The following SLC24A3 variants were observed in gnomAD, a reference collection of about 807,000 sequenced individuals.
SLC24A3 encodes the protein sodium/potassium/calcium exchanger 3.
Under a neutral mutation model 75.8 loss-of-function variants are expected in SLC24A3, and 28 were observed. The observed-to-expected ratio is 0.37, with a 90% CI of 0.27 to 0.51. The LOEUF is 0.51. SLC24A3 is among the 20% of genes least tolerant of loss of function. The pLI is 0.94. For missense variants in SLC24A3, 663 were observed against 847.8 expected (o/e 0.78, Z 2.71); for synonymous variants, 372 against 334.1 (o/e 1.11, Z -1.24).
chr20:19,474,477 G>A (rs560072440), intron 2 of SLC24A3, among the ~76,000 whole-genome samples: 1 of 152,342 alleles, frequency 6.6e-6, no homozygotes, highest in South Asian at 2.1e-4. Context: ...CTCATGGGCA[G>A]TTAGGGGTTT....
chr20:19,510,359 C>CCTT (rs1431120232), intron 2 of SLC24A3, among the ~76,000 whole-genome samples: 2 of 152,174 alleles, frequency 1.3e-5, no homozygotes, highest in African/African-American at 2.4e-5. Context: ...AGAGGGACTC[C>CCTT]CTTCTGCCAC....
chr20:19,391,608 CTA>C (rs1986368502), intron 2 of SLC24A3, among the ~76,000 whole-genome samples: 1 of 152,138 alleles, frequency 6.6e-6, no homozygotes, highest in Non-Finnish European at 1.5e-5. Flanking sequence ...GCAGTGTATG[CTA>C]TAACTAGCCT....
intron 6 of SLC24A3, among the ~76,000 whole-genome samples, chr20:19,648,096 T>G (rs111304671): frequency 6.6e-6 from 1 of 152,164 alleles, no homozygotes; most frequent in African/African-American, 2.4e-5. Flanking sequence ...TCAGTGATTT[T>G]TCCCGGCATA....
At chr20:19,367,585 T>A (rs1011377968) in intron 2 of SLC24A3, among the ~76,000 whole-genome samples, 18 of 152,080 alleles carry the variant, frequency 1.2e-4, no homozygotes, top group Admixed American at 6.5e-5. Flanking sequence ...GTCACAGTTG[T>A]CTAATTAGAT....
At chr20:19,611,429 C>G (rs1348930734) in intron 6 of SLC24A3, among the ~76,000 whole-genome samples, 1 of 152,174 alleles carries the variant, frequency 6.6e-6, no homozygotes, top group Admixed American at 6.5e-5. Flanking sequence ...TTGATCCCCA[C>G]TTAGGACTCT....
chr20:19,431,235 A>G (rs753681699), intron 2 of SLC24A3, among the ~76,000 whole-genome samples: 3 of 152,012 alleles, frequency 2.0e-5, no homozygotes, highest in Admixed American at 6.5e-5. Flanking sequence ...AACAGATGCC[A>G]AGACAGAATG....
In SLC24A3 at chr20:19,612,375, G is replaced by A. The variant is rs377026693; in HGVS notation, c.612+26831G>A. Among the ~76,000 whole-genome samples, 8 of 152,172 alleles carry A rather than the reference G, an allele frequency of 5.3e-5. No individual in the cohort carries two copies. In the East Asian group the frequency reaches 5.8e-4, roughly 11 times the overall value. ...CCACAGGGCGAATATGGTTGACAGTGATTTAGTGTATACTTTCAAGAAGCT... is the reference window on the plus strand; with the variant it reads ...CCACAGGGCGAATATGGTTGACAGTAATTTAGTGTATACTTTCAAGAAGCT... On this transcript the variant is annotated intron_variant, in intron 6 of 16. Coordinates refer to ENST00000328041, the MANE Select transcript of SLC24A3 (RefSeq NM_020689.4).
chr20:19,695,898 G>A (rs1383147621), intron 13 of SLC24A3, among the ~76,000 whole-genome samples: 1 of 152,048 alleles, frequency 6.6e-6, no homozygotes, highest in Non-Finnish European at 1.5e-5. Context: ...TTAAGATGAT[G>A]GTCCCCAGAA....
intron 2 of SLC24A3, among the ~76,000 whole-genome samples, chr20:19,396,822 A>G (rs193166410): frequency 6.6e-6 from 1 of 152,338 alleles, no homozygotes. Context: ...AATTAGTGCC[A>G]GAAAAAAAAA....
chr20:19,550,092 GT>G (rs2030666046), intron 3 of SLC24A3, among the ~76,000 whole-genome samples: 2 of 152,306 alleles, frequency 1.3e-5, no homozygotes, highest in South Asian at 4.1e-4. Flanking sequence ...GGAAAAGTGT[GT>G]TTGGGAGAAA....
chr20:19,585,124 GC>G, intron 5 of SLC24A3, 69 bp downstream of exon 5: 3 of 1,393,114 alleles, frequency 2.2e-6, no homozygotes, highest in African/African-American at 1.4e-5. Context: ...GGAATGGATG[GC>G]CCCCAGACCG....
At chr20:19,625,423 G>A (rs936484133) in intron 6 of SLC24A3, among the ~76,000 whole-genome samples, 1 of 152,162 alleles carries the variant, frequency 6.6e-6, no homozygotes, top group Non-Finnish European at 1.5e-5. Flanking sequence ...CCTATACAGT[G>A]GGACATCTTT....
intron 3 of SLC24A3, among the ~76,000 whole-genome samples, chr20:19,550,521 C>T (rs2030675087): frequency 6.6e-6 from 1 of 152,112 alleles, no homozygotes; most frequent in East Asian, 1.9e-4. Flanking sequence ...AACTAAATCA[C>T]AATTAGAGAA....
chr20:19,481,098 G>T (rs1174655824), intron 2 of SLC24A3, among the ~76,000 whole-genome samples: 3 of 152,150 alleles, frequency 2.0e-5, no homozygotes, highest in African/African-American at 7.2e-5. Context: ...ATTGCGACAG[G>T]AACTTGGGAA....
At chr20:19,686,422 C>T (rs2032676111) in intron 12 of SLC24A3, among the ~76,000 whole-genome samples, 1 of 152,182 alleles carries the variant, frequency 6.6e-6, no homozygotes, top group Non-Finnish European at 1.5e-5. Flanking sequence ...GGTCCAAGCC[C>T]AAAGAATTCA....
intron 2 of SLC24A3, among the ~76,000 whole-genome samples, chr20:19,330,175 G>A (rs1183692234): frequency 1.3e-5 from 2 of 152,210 alleles, no homozygotes; most frequent in African/African-American, 4.8e-5. Context: ...ATGCGGTGCT[G>A]TTGTCTCCTG....
At position 19,721,224 on chromosome 20, in the gene SLC24A3, G is replaced by C; in HGVS notation, c.*84G>C. ...CGCACCCCGAGTCACACAGGCCCCC[G>C]GGGCCACGGCGTTCGTCTCTCCTGT... On this transcript the variant is annotated 3_prime_UTR_variant, in exon 17 of 17. Coordinates refer to ENST00000328041, the MANE Select transcript of SLC24A3 (RefSeq NM_020689.4). The C allele has an allele frequency of 1.3e-6, 2 of 1,548,484 alleles. No individual in the cohort carries two copies. The highest frequency in any genetic ancestry group is 1.2e-5 in the South Asian group (1 of 82,924).
intron 3 of SLC24A3, among the ~76,000 whole-genome samples, chr20:19,556,526 A>T (rs1475613191): frequency 6.6e-6 from 1 of 150,782 alleles, no homozygotes; most frequent in African/African-American, 2.4e-5. Flanking sequence ...TGAGAAAAAG[A>T]TGTTGTTTTT....
intron 1 of SLC24A3, among the ~76,000 whole-genome samples, chr20:19,259,023 G>T (rs1982903836): frequency 6.6e-6 from 1 of 152,170 alleles, no homozygotes; most frequent in Non-Finnish European, 1.5e-5. Flanking sequence ...TTAGAGCCAG[G>T]TAAGTTTTCT....
Sources: gnomAD v4.1 joint callset for allele counts (sites outside exome capture counted in the v4.1 genomes callset) on GRCh38, gnomAD v4.1.1 for gene constraint, MANE v1.5 for transcripts, NCBI Gene and HGNC (gene_info 2026-07-23, HGNC 2026-07-21) for gene names.